The following ATP8B4 variants were observed in gnomAD, a reference collection of about 807,000 sequenced individuals.
ATP8B4 encodes probable phospholipid-transporting ATPase IM.
In ATP8B4, 133 loss-of-function variants were observed where a neutral mutation model predicts 145.6. The ratio of observed to expected loss-of-function variants is 0.91; its 90% CI spans 0.79 to 1.05. ATP8B4 has a LOEUF of 1.05. Among genes scored for constraint, ATP8B4 ranks in the 50% least tolerant of loss-of-function variants. The pLI is 0.00. For missense variants in ATP8B4, 1,458 were observed against 1,425.2 expected, an observed-to-expected ratio of 1.02 and a Z score of -0.37; for synonymous variants, 507 against 492.9, an observed-to-expected ratio of 1.03 and a Z score of -0.38.
chr15:49,970,156 G>A (rs562659496), intron 13 of ATP8B4, among the ~76,000 whole-genome samples: 1 of 152,230 alleles, frequency 6.6e-6, no homozygotes, highest in East Asian at 1.9e-4. Context: ...CAAACCCACA[G>A]CCAATATCAT....
At chr15:50,165,945 T>A (rs1011952216) in intron 1 of ATP8B4, among the ~76,000 whole-genome samples, 14 of 146,186 alleles carry the variant, frequency 9.6e-5, no homozygotes, top group African/African-American at 3.6e-4. Flanking sequence ...AAACCATAGA[T>A]CTGAAAGCTC....
At chr15:49,888,681 G>T (rs2153419503) in intron 23 of ATP8B4, among the ~76,000 whole-genome samples, 1 of 152,238 alleles carries the variant, frequency 6.6e-6, no homozygotes, top group African/African-American at 2.4e-5. Context: ...ACCCACAGTG[G>T]ATGCCACAAA....
intron 12 of ATP8B4, among the ~76,000 whole-genome samples, chr15:49,973,833 C>T (rs892867986): frequency 2.0e-5 from 3 of 152,146 alleles, no homozygotes; most frequent in African/African-American, 7.2e-5. Context: ...TTATCTTTCA[C>T]CACATGCAAA....
intron 23 of ATP8B4, chr15:49,880,329 T>A (rs1004972910): frequency 2.0e-5 from 3 of 152,186 alleles, no homozygotes; most frequent in Non-Finnish European, 4.4e-5. Context: ...CTGGAAATGC[T>A]GGGACGTGCA....
intron 14 of ATP8B4, among the ~76,000 whole-genome samples, chr15:49,958,232 A>G (rs1218417368): frequency 6.6e-6 from 1 of 151,554 alleles, no homozygotes; most frequent in Non-Finnish European, 1.5e-5. Flanking sequence ...AAAATACTTT[A>G]ATAAACTACA....
chr15:50,035,339 C>T (rs2050754333), intron 6 of ATP8B4, among the ~76,000 whole-genome samples: 1 of 152,094 alleles, frequency 6.6e-6, no homozygotes, highest in Non-Finnish European at 1.5e-5. Context: ...AGGTAAACTA[C>T]ATATATATTA....
Position 50,177,956 on chromosome 15 carries a change from G to T in ATP8B4, c.-43+4305C>A, listed in dbSNP as rs575913522. On this transcript the variant is annotated intron_variant, in intron 1 of 3. Coordinates refer to the ATP8B4 transcript ENST00000558829. The stretch of plus-strand genomic sequence containing the variant: ...GGAAACTTTGAAGGGGGTAGGGAAG[G>T]TCTGGGACTGCCAATAGGAAGCCTT... Among the ~76,000 whole-genome samples, 3 of 152,254 alleles carry T rather than the reference G, an allele frequency of 2.0e-5. No homozygotes were observed. In the South Asian group the frequency reaches 6.2e-4, roughly 32 times the overall value.
At chr15:49,908,980 G>A (rs1054610348) in intron 20 of ATP8B4, among the ~76,000 whole-genome samples, 16 of 152,204 alleles carry the variant, frequency 1.1e-4, no homozygotes, top group Non-Finnish European at 2.2e-4. Flanking sequence ...CAGCCAGCAC[G>A]GCCAGAGTGC....
rs180735761 is a variant in ATP8B4 at position 49,962,097 on chromosome 15, C to T, written c.1244-77G>A. 45 of 1,119,136 alleles carry T rather than the reference C, an allele frequency of 4.0e-5. No individual in the cohort carries two copies. In the African/African-American group the frequency reaches 6.5e-4, roughly 16 times the overall value. 69.3% of individuals were successfully genotyped at this position (1,119,136 alleles called of 1,614,324 possible). ...TAGACATTTAGTTTTAAGGAATACA[C>T]TTATTATTTATTACATCACCATTAC... On this transcript the variant is annotated intron_variant, in intron 13 of 27. Coordinates refer to ENST00000284509, the MANE Select transcript of ATP8B4 (RefSeq NM_024837.4).
intron 7 of ATP8B4, among the ~76,000 whole-genome samples, chr15:50,006,898 G>A (rs1280768140): frequency 6.6e-6 from 1 of 152,144 alleles, no homozygotes; most frequent in South Asian, 2.1e-4. Context: ...CCCACGGTCC[G>A]AGTTCCGGTG....
intron 14 of ATP8B4, among the ~76,000 whole-genome samples, chr15:49,937,807 T>G (rs1313684662): frequency 3.3e-5 from 5 of 152,202 alleles, no homozygotes; most frequent in Non-Finnish European, 7.3e-5. Flanking sequence ...ATTCATTGAT[T>G]AATACACAAT....
intron 20 of ATP8B4, among the ~76,000 whole-genome samples, chr15:49,909,722 C>CAA (rs995336781): frequency 2.9e-3 from 208 of 71,916 alleles, no homozygotes; most frequent in African/African-American, 7.2e-3. Flanking sequence ...CTTTGTTTAC[C>CAA]AAAAAAAAAA....
chr15:49,903,420 A>G (rs916695273), intron 20 of ATP8B4, among the ~76,000 whole-genome samples: 9 of 152,254 alleles, frequency 5.9e-5, no homozygotes, highest in Admixed American at 5.9e-4. Flanking sequence ...CTTGGCATGC[A>G]GAATCGCATT....
At chr15:50,094,751 T>C (rs1369221919) in intron 2 of ATP8B4, among the ~76,000 whole-genome samples, 1 of 149,994 alleles carries the variant, frequency 6.7e-6, no homozygotes, top group African/African-American at 2.4e-5. Context: ...TACATTCCGT[T>C]TTACTAGAGA....
rs910314592 is a variant in ATP8B4, at chr15:50,047,589, T to C, written c.88-125A>G. 5.7e-5 allele frequency: 38 copies of C among 666,202 alleles called. No individual in the cohort carries two copies. In the Admixed American group the frequency reaches 9.5e-4, roughly 17 times the overall value. The allele number at this position is 666,202 out of a possible 1,614,324, so 41.3% of individuals were successfully genotyped here. A position where few individuals can be genotyped will look rare whatever the true frequency, so the allele number is the denominator to read the frequency against. ...AGCCGGTTATCTAGGAAATTTCAAC[T>C]CTGTGTGGCTCAAGGCCTTCATTTT... On this transcript the variant is annotated intron_variant, in intron 3 of 27. Transcript: ENST00000284509.
intron 2 of ATP8B4, among the ~76,000 whole-genome samples, chr15:50,081,686 G>A (rs556316727): frequency 5.9e-5 from 9 of 152,352 alleles, no homozygotes; most frequent in Middle Eastern, 3.4e-3. Context: ...GTGAACGCAT[G>A]AGGTCTGCTA....
At chr15:50,025,462 A>G (rs552152255) in intron 6 of ATP8B4, among the ~76,000 whole-genome samples, 174 of 152,058 alleles carry the variant, frequency 1.1e-3, no homozygotes, top group African/African-American at 4.1e-3. Context: ...CTTCCCCTCC[A>G]CAGGACCTTT....
At chr15:49,884,264 G>A (rs1166057523) in intron 23 of ATP8B4, among the ~76,000 whole-genome samples, 1 of 152,080 alleles carries the variant, frequency 6.6e-6, no homozygotes, top group Non-Finnish European at 1.5e-5. Context: ...CCACAACACT[G>A]ACCACTACAT....
chr15:49,984,785 TG>T (rs2046445890), intron 10 of ATP8B4, among the ~76,000 whole-genome samples: 1 of 151,760 alleles, frequency 6.6e-6, no homozygotes, highest in African/African-American at 2.4e-5. Flanking sequence ...TAGAAAAAGG[TG>T]AGAGGAAATC....
Sources: gnomAD v4.1 joint callset for allele counts (sites outside exome capture counted in the v4.1 genomes callset) on GRCh38, gnomAD v4.1.1 for gene constraint, MANE v1.5 for transcripts, NCBI Gene and HGNC (gene_info 2026-07-23, HGNC 2026-07-21) for gene names.